OPRK1: variants seen among roughly 807,000 people sequenced by gnomAD.
OPRK1 encodes the protein opioid receptor kappa 1, also known as kappa-type opioid receptor.
In OPRK1, 15 loss-of-function variants were observed where a neutral mutation model predicts 24.5. The observed-to-expected ratio is 0.61, with a 90% CI of 0.41 to 0.94. The LOEUF (loss-of-function observed/expected upper bound fraction) is 0.94. Among genes scored for constraint, OPRK1 ranks in the 40% least tolerant of loss-of-function variants. The pLI is 0.00. For synonymous variants in OPRK1, 205 were observed against 198.0 expected (o/e 1.04, Z -0.30); for missense variants, 479 against 507.3 (o/e 0.94, Z 0.54).
chr8:53,244,724 ATTG>A (rs1378660425), intron 2 of OPRK1, among the ~76,000 whole-genome samples: 5 of 152,242 alleles, frequency 3.3e-5, no homozygotes, highest in African/African-American at 1.2e-4. Context: ...CATATACATA[ATTG>A]TTGTGAAAAC....
chr8:53,234,657 G>T (rs748689654), intron 3 of OPRK1, 102 bp downstream of exon 3: 13 of 1,020,714 alleles, frequency 1.3e-5, no homozygotes, highest in Non-Finnish European at 1.9e-5. Context: ...TCGTCTTTTG[G>T]CATCGATTTC....
chr8:53,232,827 G>A (rs564980685), intron 3 of OPRK1, among the ~76,000 whole-genome samples: 85 of 152,198 alleles, frequency 5.6e-4, no homozygotes, highest in Non-Finnish European at 9.3e-4. Flanking sequence ...TGCTTATAGC[G>A]ATTATAATAA....
chr8:53,236,497 A>G (rs1807000933), intron 2 of OPRK1, among the ~76,000 whole-genome samples: 1 of 152,196 alleles, frequency 6.6e-6, no homozygotes, highest in Admixed American at 6.5e-5. Flanking sequence ...TCTGCTTACT[A>G]AAGAGTGATT....
At chr8:53,229,873 G>A in intron 3 of OPRK1, 44 bp from the exon 4 acceptor site, 1 of 1,492,190 alleles carries the variant, frequency 6.7e-7, no homozygotes, top group Non-Finnish European at 9.0e-7. Context: ...ACCTGTTATT[G>A]TTATTACCGT....
At chr8:53,238,623 A>G in intron 2 of OPRK1, 1 of 985,476 alleles carries the variant, frequency 1.0e-6, no homozygotes. Flanking sequence ...CTTTAACTCA[A>G]GACCATCCTA....
At chr8:53,247,498 A>C (rs1231343826) in intron 2 of OPRK1, among the ~76,000 whole-genome samples, 1 of 152,198 alleles carries the variant, frequency 6.6e-6, no homozygotes, top group African/African-American at 2.4e-5. Context: ...ATTAAATGTT[A>C]GTTATCTTCT....
chr8:53,231,775 C>T (rs1004288421), intron 3 of OPRK1, among the ~76,000 whole-genome samples: 3 of 152,112 alleles, frequency 2.0e-5, no homozygotes, highest in Non-Finnish European at 4.4e-5. Flanking sequence ...ATAACAAACC[C>T]TCGAAAGTGT....
At position 53,251,315 on chromosome 8, in the gene OPRK1, C is replaced by T. The variant is rs75601206; in HGVS notation, c.-49+133G>A. On this transcript the variant is annotated intron_variant, in intron 1 of 3. Coordinates refer to ENST00000265572, the MANE Select transcript of OPRK1 (RefSeq NM_000912.5). ...TTCTCCCCCAGCCCCTGAGGTGCCT[C>T]CCTCACCAATTCTAGGCACCGGCCC... is the stretch of plus-strand genomic sequence containing the variant. 7.0e-3 allele frequency: 3,524 copies of T among 504,728 alleles called. 109 individuals are homozygous for T. The highest frequency in any genetic ancestry group is 0.065 in the African/African-American group (3,182 of 48,820). 31.3% of individuals were successfully genotyped at this position (504,728 alleles called of 1,614,324 possible). A position where few individuals can be genotyped will look rare whatever the true frequency, so the allele number is the denominator to read the frequency against.
intron 2 of OPRK1, among the ~76,000 whole-genome samples, chr8:53,250,069 C>CCA (rs369426050): frequency 0.068 from 8,917 of 130,420 alleles, 579 homozygotes; most frequent in African/African-American, 0.18. Context: ...GAAGAAATTT[C>CCA]CACACACACA....
rs200262569 is a variant in OPRK1 at position 53,229,045 on chromosome 8, A to G, written c.*252T>C. On this transcript the variant is annotated 3_prime_UTR_variant, in exon 4 of 4. Coordinates refer to ENST00000265572, the MANE Select transcript of OPRK1 (RefSeq NM_000912.5). ...GAAAAGACCTGTTCCCTTGTTCATC[A>G]GAGGAACTGAGGCTCTGCCTCGCTT... 63 of 414,034 alleles carry G rather than the reference A, an allele frequency of 1.5e-4. No individual in the cohort carries two copies. Among genetic ancestry groups the G allele is most frequent in the Non-Finnish European group, 2.4e-4 (56 of 231,204 alleles). 25.6% of individuals were successfully genotyped at this position (414,034 alleles called of 1,614,324 possible). A position where few individuals can be genotyped will look rare whatever the true frequency, so the allele number is the denominator to read the frequency against.
At chr8:53,235,660 T>C (rs1806973333) in intron 2 of OPRK1, among the ~76,000 whole-genome samples, 1 of 152,226 alleles carries the variant, frequency 6.6e-6, no homozygotes, top group Non-Finnish European at 1.5e-5. Flanking sequence ...CAGTGCACCA[T>C]TAATTTGTCA....
At chr8:53,250,749 A>C (rs2128810950) in intron 2 of OPRK1, 32 bp downstream of exon 2, 4 of 1,540,528 alleles carry the variant, frequency 2.6e-6, no homozygotes, top group Non-Finnish European at 3.5e-6. Context: ...TGCCCCGCCC[A>C]GCCCCCAGCG....
In OPRK1 at chr8:53,229,136, C is replaced by T. The variant is rs183946684; in HGVS notation, c.*161G>A. Reference sequence around the variant, plus strand: ...TTGTCCTTGATGTTTCCACTGATCACGAACGTGGTCTGCATCTGATGACTT... The same window carrying T: ...TTGTCCTTGATGTTTCCACTGATCATGAACGTGGTCTGCATCTGATGACTT... On this transcript the variant is annotated 3_prime_UTR_variant, in exon 4 of 4. Transcript: ENST00000265572. 443 of 794,302 alleles carry T rather than the reference C, an allele frequency of 5.6e-4. No homozygotes were observed. In the African/African-American group the frequency reaches 6.4e-3, roughly 11 times the overall value. The allele number at this position is 794,302 out of a possible 1,614,324, so 49.2% of individuals were successfully genotyped here.
intron 2 of OPRK1, among the ~76,000 whole-genome samples, chr8:53,249,152 G>A (rs1376129698): frequency 2.0e-5 from 3 of 151,592 alleles, no homozygotes; most frequent in Admixed American, 2.0e-4. Flanking sequence ...TCAAACTGCA[G>A]ACTTCAGGGG....
rs971730248 is a variant in OPRK1 at position 53,251,236 on chromosome 8, C to G, written c.-48-151G>C. ...GGAGAACGGACTTCTCGCTGCCTTTCCGGCCAGCAGGCGCGCCGCTGGGTG... is the reference window on the plus strand; with the variant it reads ...GGAGAACGGACTTCTCGCTGCCTTTGCGGCCAGCAGGCGCGCCGCTGGGTG... On this transcript the variant is annotated intron_variant, in intron 1 of 3. Transcript: ENST00000265572. 6.7e-5 allele frequency: 58 copies of G among 863,964 alleles called. 1 individual carries two copies. The highest frequency in any genetic ancestry group is 6.6e-6 in the Non-Finnish European group (4 of 607,854). The allele number at this position is 863,964 out of a possible 1,614,324, so 53.5% of individuals were successfully genotyped here.
intron 2 of OPRK1, 31 bp from the exon 3 acceptor site, chr8:53,235,142 C>G (rs1165689504): frequency 7.0e-6 from 11 of 1,579,286 alleles, no homozygotes; most frequent in Non-Finnish European, 9.5e-6. Flanking sequence ...GCATTTCCCT[C>G]CATTTTCAAG....
At chr8:53,250,101 A>ACACACACACACAC (rs201404901) in intron 2 of OPRK1, among the ~76,000 whole-genome samples, 2 of 151,466 alleles carry the variant, frequency 1.3e-5, no homozygotes, top group South Asian at 2.1e-4. Context: ...ACACACACAC[A>ACACACACACACAC]AATAAAACCT....
chr8:53,235,572 T>C (rs1806971555), intron 2 of OPRK1, among the ~76,000 whole-genome samples: 1 of 152,182 alleles, frequency 6.6e-6, no homozygotes, highest in African/African-American at 2.4e-5. Flanking sequence ...ATTTTGAAAA[T>C]ACAAAATGGT....
chr8:53,244,139 T>C, intron 2 of OPRK1, among the ~76,000 whole-genome samples: 1 of 152,194 alleles, frequency 6.6e-6, no homozygotes, highest in East Asian at 1.9e-4. Context: ...GACAGCCACA[T>C]AGTTCTGGTG....
Sources: allele counts gnomAD v4.1 joint callset (sites outside exome capture counted in the v4.1 genomes callset), GRCh38; gene constraint gnomAD v4.1.1; transcripts MANE v1.5; gene names NCBI Gene and HGNC (gene_info 2026-07-23, HGNC 2026-07-21).